The following KCNH8 variants were observed in gnomAD, a reference collection of about 807,000 sequenced individuals.
KCNH8 encodes potassium voltage-gated channel subfamily H member 8, also known as voltage-gated delayed rectifier potassium channel KCNH8.
A neutral mutation model predicts 103.6 loss-of-function variants in KCNH8; 70 were observed. That is an observed-to-expected ratio of 0.68 (90% CI 0.56 to 0.82). The LOEUF is 0.82. Among genes scored for constraint, KCNH8 ranks in the 40% least tolerant of loss-of-function variants. The pLI, the probability that KCNH8 is intolerant of heterozygous loss-of-function variation, is 0.00. For missense variants in KCNH8, 1,217 were observed against 1,329.9 expected, an observed-to-expected ratio of 0.92 and a Z score of 1.32; for synonymous variants, 498 against 489.4, an observed-to-expected ratio of 1.02 and a Z score of -0.23.
At chr3:19,374,240 G>A (rs889860428) in intron 5 of KCNH8, among the ~76,000 whole-genome samples, 15 of 151,490 alleles carry the variant, frequency 9.9e-5, no homozygotes, top group Admixed American at 9.2e-4. Context: ...ATGTGTGGGA[G>A]TCTAAGTCTC....
At chr3:19,393,194 C>A (rs1367027458) in intron 6 of KCNH8, among the ~76,000 whole-genome samples, 2 of 151,924 alleles carry the variant, frequency 1.3e-5, no homozygotes, top group African/African-American at 4.8e-5. Flanking sequence ...TCAAAAGAAT[C>A]CTGTCCCTTT....
At chr3:19,446,538 A>G (rs1205045890) in intron 8 of KCNH8, among the ~76,000 whole-genome samples, 3 of 151,912 alleles carry the variant, frequency 2.0e-5, no homozygotes, top group Admixed American at 6.6e-5. Flanking sequence ...TCTTTCTGCC[A>G]TCTGCCATCC....
At chr3:19,499,886 G>A (rs1423998776) in intron 11 of KCNH8, among the ~76,000 whole-genome samples, 36 of 152,104 alleles carry the variant, frequency 2.4e-4, no homozygotes, top group Admixed American at 6.5e-4. Context: ...ATCAACTAAC[G>A]AGCAAAATAA....
chr3:19,450,063 T>C (rs1425020441), intron 8 of KCNH8, 43 bp from the exon 9 acceptor site: 1 of 1,525,712 alleles, frequency 6.6e-7, no homozygotes, highest in Non-Finnish European at 9.1e-7. Flanking sequence ...GTGGGCCTCA[T>C]GTCACATTTC....
chr3:19,205,893 A>C (rs1202762672), intron 1 of KCNH8, among the ~76,000 whole-genome samples: 1 of 151,712 alleles, frequency 6.6e-6, no homozygotes. Context: ...GATTTGTGAG[A>C]TTTTTAGTGC....
intron 6 of KCNH8, among the ~76,000 whole-genome samples, chr3:19,393,422 C>G (rs2066468337): frequency 6.6e-6 from 1 of 152,020 alleles, no homozygotes; most frequent in Non-Finnish European, 1.5e-5. Flanking sequence ...GACTATTGTT[C>G]TCATGTACAA....
At chr3:19,422,429 C>T (rs1400751736) in intron 7 of KCNH8, among the ~76,000 whole-genome samples, 1 of 152,068 alleles carries the variant, frequency 6.6e-6, no homozygotes, top group Non-Finnish European at 1.5e-5. Context: ...GAACAATACA[C>T]CAGGCACTGT....
chr3:19,451,024 AT>A, intron 9 of KCNH8, 130 bp from the exon 10 acceptor site: 1 of 810,402 alleles, frequency 1.2e-6, no homozygotes, highest in South Asian at 1.6e-5. Flanking sequence ...ACATACTTAG[AT>A]TTCCTCTTCT....
intron 11 of KCNH8, among the ~76,000 whole-genome samples, chr3:19,503,132 C>G (rs1177760618): frequency 1.3e-5 from 2 of 151,224 alleles, no homozygotes; most frequent in African/African-American, 4.8e-5. Context: ...TGAACAGACA[C>G]TTCTCAAAAG....
chr3:19,487,023 A>G (rs1293413813), intron 11 of KCNH8, among the ~76,000 whole-genome samples: 2 of 152,162 alleles, frequency 1.3e-5, no homozygotes, highest in Non-Finnish European at 2.9e-5. Context: ...ACTGCCAAGG[A>G]GTGTCCCAGC....
intron 5 of KCNH8, among the ~76,000 whole-genome samples, chr3:19,368,717 C>T (rs1036607529): frequency 1.6e-4 from 25 of 151,846 alleles, no homozygotes; most frequent in African/African-American, 5.6e-4. Flanking sequence ...TAAATTTATG[C>T]TGCGTATTTG....
chr3:19,371,268 C>A (rs1363970657), intron 5 of KCNH8, among the ~76,000 whole-genome samples: 1 of 149,942 alleles, frequency 6.7e-6, no homozygotes, highest in South Asian at 2.1e-4. Flanking sequence ...CTCTCCAGCA[C>A]CTGTTGTTTC....
intron 4 of KCNH8, among the ~76,000 whole-genome samples, chr3:19,344,067 G>A (rs1158387945): frequency 6.6e-6 from 1 of 151,502 alleles, no homozygotes; most frequent in Non-Finnish European, 1.5e-5. Context: ...TTTCCTGGGA[G>A]TCCAGGGAGA....
intron 3 of KCNH8, among the ~76,000 whole-genome samples, chr3:19,337,759 C>G (rs2065603308): frequency 6.6e-6 from 1 of 152,036 alleles, no homozygotes; most frequent in African/African-American, 2.4e-5. Context: ...AAAACAGGCT[C>G]CTGAGTAATC....
At chr3:19,329,004 C>T (rs2065468844) in intron 3 of KCNH8, among the ~76,000 whole-genome samples, 1 of 152,114 alleles carries the variant, frequency 6.6e-6, no homozygotes, top group South Asian at 2.1e-4. Flanking sequence ...TAGCTAGTAC[C>T]ATTTGTTTGG....
At chr3:19,268,202 A>G (rs1003530926) in intron 2 of KCNH8, among the ~76,000 whole-genome samples, 1 of 152,134 alleles carries the variant, frequency 6.6e-6, no homozygotes, top group East Asian at 1.9e-4. Flanking sequence ...TCACACAAAC[A>G]TATTAGGAAG....
At chr3:19,377,910 G>A (rs778541887) in intron 5 of KCNH8, among the ~76,000 whole-genome samples, 20 of 152,148 alleles carry the variant, frequency 1.3e-4, no homozygotes, top group Non-Finnish European at 2.4e-4. Flanking sequence ...GTGTTAATAC[G>A]CTGTTTGAAG....
At chr3:19,314,527 G>T (rs2065248213) in intron 3 of KCNH8, among the ~76,000 whole-genome samples, 1 of 151,968 alleles carries the variant, frequency 6.6e-6, no homozygotes, top group African/African-American at 2.4e-5. Context: ...CCATGGTCAT[G>T]ACATTGCAGT....
intron 1 of KCNH8, among the ~76,000 whole-genome samples, chr3:19,167,578 CA>C (rs2125190726): frequency 6.6e-6 from 1 of 152,252 alleles, no homozygotes; most frequent in Non-Finnish European, 1.5e-5. Flanking sequence ...GGACTTTTTA[CA>C]AGTCAATATC....
Sources: allele counts gnomAD v4.1 joint callset (sites outside exome capture counted in the v4.1 genomes callset), GRCh38; gene constraint gnomAD v4.1.1; transcripts MANE v1.5; gene names NCBI Gene and HGNC (gene_info 2026-07-23, HGNC 2026-07-21).